KMO: variants seen among roughly 807,000 people sequenced by gnomAD.
The protein encoded by KMO is kynurenine 3-hydroxylase.
A neutral mutation model predicts 57.8 loss-of-function variants in KMO; 24 were observed. The ratio of observed to expected loss-of-function variants is 0.42; its 90% CI spans 0.30 to 0.58. The LOEUF (loss-of-function observed/expected upper bound fraction) is 0.58. KMO is among the 20% of genes least tolerant of loss of function. KMO has a pLI of 0.22. For synonymous variants in KMO, 210 were observed against 193.6 expected, an observed-to-expected ratio of 1.08 and a Z score of -0.70; for missense variants, 483 against 588.2, an observed-to-expected ratio of 0.82 and a Z score of 1.85.
intron 10 of KMO, among the ~76,000 whole-genome samples, chr1:241,580,148 A>C (rs532621637): frequency 6.6e-6 from 1 of 152,252 alleles, no homozygotes; most frequent in South Asian, 2.1e-4. Context: ...CTTATAGTAT[A>C]GGTTGCAGCA....
At chr1:241,582,998 G>A (rs1662815080) in intron 10 of KMO, among the ~76,000 whole-genome samples, 1 of 152,150 alleles carries the variant, frequency 6.6e-6, no homozygotes, top group South Asian at 2.1e-4. Flanking sequence ...AGTACTAGGA[G>A]GTGCCCTAAG....
At position 241,565,035 on chromosome 1, in the gene KMO, A is replaced by G. The variant is rs1363952159; in HGVS notation, c.664A>G (p.Met222Val). 6.2e-7 allele frequency: 1 copy of G among 1,603,932 alleles called. No individual in the cohort carries two copies. The highest frequency in any genetic ancestry group is 8.5e-7 in the Non-Finnish European group (1 of 1,171,062). The change falls in exon 8 of 15, where the codon ATG (methionine) becomes GTG (valine). Residue 222 changes from methionine to valine, a missense_variant. Physicochemically the swap from Met to Val is conservative, Grantham distance 21. Transcript: ENST00000366559. ...GCATATTTGGCCTAGAAATACCTTT[A>G]TGATGATTGCACTTCCTAACATGGT... ...YLHIWPRNTFMMIALPNMNKS... is the reference protein window; with the variant it reads ...YLHIWPRNTFVMIALPNMNKS...
intron 10 of KMO, among the ~76,000 whole-genome samples, 174 bp downstream of exon 10, chr1:241,568,821 T>C (rs1208551049): frequency 1.3e-5 from 2 of 152,102 alleles, no homozygotes; most frequent in African/African-American, 4.8e-5. Flanking sequence ...CAGAATTTGG[T>C]TTAATCAATC....
intron 12 of KMO, among the ~76,000 whole-genome samples, chr1:241,589,379 T>G (rs180849397): frequency 3.9e-5 from 6 of 152,320 alleles, no homozygotes; most frequent in South Asian, 2.1e-4. Flanking sequence ...TGATTGTGAT[T>G]ATAGTTTTAA....
chr1:241,549,611 A>G, intron 2 of KMO, 66 bp from the exon 3 acceptor site: 3 of 920,740 alleles, frequency 3.3e-6, no homozygotes, highest in Non-Finnish European at 5.2e-6. Flanking sequence ...CAGATGCAGT[A>G]ATTTTGCTCA....
chr1:241,578,420 C>T (rs1662613523), intron 10 of KMO, among the ~76,000 whole-genome samples: 1 of 152,126 alleles, frequency 6.6e-6, no homozygotes, highest in Non-Finnish European at 1.5e-5. Context: ...ACTCCTCTTT[C>T]CCCTGGGAAT....
In KMO at chr1:241,555,401, TAA is replaced by T. The variant is rs1387765588; in HGVS notation, c.313-210_313-209del. The stretch of plus-strand genomic sequence containing the variant: ...TAAAGTATTAAACTTTGAAAAAGCC[TAA>T]GTGTAAACTTGGATATTGTATTATA... On this transcript the variant is annotated intron_variant, in intron 4 of 14. Transcript: ENST00000366559. Among the ~76,000 whole-genome samples the T allele has an allele frequency of 3.9e-5, 6 of 152,368 alleles. No homozygotes were observed. The South Asian group carries it at 1.2e-3, about 32-fold the overall frequency.
chr1:241,593,235 A>G lies in KMO; in HGVS notation c.*1082A>G. 1 of 284,034 alleles carries G rather than the reference A, an allele frequency of 3.5e-6. No homozygotes were observed. The highest frequency in any genetic ancestry group is 7.9e-5 in the East Asian group (1 of 12,692). 17.6% of individuals were successfully genotyped at this position (284,034 alleles called of 1,614,324 possible). On this transcript the variant is annotated 3_prime_UTR_variant, in exon 15 of 15. Coordinates refer to ENST00000366559, the MANE Select transcript of KMO (RefSeq NM_003679.5). ...AAATACAAAGCCATTACTTTATTCA[A>G]TTTCAGACCCTCAGAAGCAATTTAC...
At chr1:241,581,580 A>T (rs1442826160) in intron 10 of KMO, among the ~76,000 whole-genome samples, 1 of 151,960 alleles carries the variant, frequency 6.6e-6, no homozygotes, top group Non-Finnish European at 1.5e-5. Flanking sequence ...CTTAACCCGG[A>T]TTACAAAGAA....
At chr1:241,588,948 A>G in intron 12 of KMO, 118 bp downstream of exon 12, 1 of 682,916 alleles carries the variant, frequency 1.5e-6, no homozygotes, top group Non-Finnish European at 2.5e-6. Flanking sequence ...GAATACCTAC[A>G]GATAAGAAAA....
intron 7 of KMO, among the ~76,000 whole-genome samples, chr1:241,563,434 T>C (rs1405272888): frequency 2.0e-5 from 3 of 152,188 alleles, no homozygotes; most frequent in Admixed American, 2.0e-4. Flanking sequence ...TATGGGATAG[T>C]GTTGTTAAAT....
chr1:241,586,499 C>T (rs753431715), intron 10 of KMO, 180 bp from the exon 11 acceptor site: 17 of 583,966 alleles, frequency 2.9e-5, no homozygotes, highest in Non-Finnish European at 5.2e-5. Context: ...CACGTCCAGG[C>T]CCGATGGTCA....
At chr1:241,590,379 G>C in intron 14 of KMO, 116 bp downstream of exon 14, 2 of 846,676 alleles carry the variant, frequency 2.4e-6, no homozygotes, top group East Asian at 5.1e-5. Context: ...CCAACTGTTT[G>C]CCTTCCAAAC....
chr1:241,545,162 T>C (rs1661097697), intron 1 of KMO, among the ~76,000 whole-genome samples: 2 of 152,180 alleles, frequency 1.3e-5, no homozygotes, highest in Non-Finnish European at 2.9e-5. Context: ...CAAATATATA[T>C]GAAGCACTTA....
chr1:241,566,599 C>T lies in KMO; in HGVS notation c.796C>T (p.Pro266Ser), dbSNP rs754540675. Residue 266 changes from proline to serine, a missense_variant, in exon 9 of 15, where the codon CCT becomes TCT. Pro to Ser is a moderately conservative substitution (Grantham distance 74). Transcript: ENST00000366559. ...FFQKYFPDAI[P>S]LIGEKLLVQD... ...CCAGAAATACTTTCCGGATGCCATC[C>T]CTCTAATTGGAGAGTAAGTTGCAAG... The T allele has an allele frequency of 5.0e-6, 8 of 1,613,528 alleles. No homozygotes were observed. The African/African-American group carries it at 1.1e-4, about 22-fold the overall frequency.
intron 10 of KMO, among the ~76,000 whole-genome samples, chr1:241,571,339 G>A (rs761919610): frequency 1.3e-5 from 2 of 152,058 alleles, no homozygotes; most frequent in Non-Finnish European, 2.9e-5. Flanking sequence ...GGTGAAAATG[G>A]TTGTTCTTGT....
At chr1:241,537,052 G>A (rs1289593475) in intron 1 of KMO, among the ~76,000 whole-genome samples, 4 of 152,092 alleles carry the variant, frequency 2.6e-5, no homozygotes, top group Non-Finnish European at 5.9e-5. Flanking sequence ...TCTTCACTCA[G>A]CTTCATGGGA....
At chr1:241,556,354 T>A (rs1216996541) in intron 5 of KMO, among the ~76,000 whole-genome samples, 1 of 152,148 alleles carries the variant, frequency 6.6e-6, no homozygotes, top group African/African-American at 2.4e-5. Context: ...CAGGTTGGTC[T>A]TGAACTCCTG....
chr1:241,575,219 C>A (rs1353278656), intron 10 of KMO, among the ~76,000 whole-genome samples: 2 of 151,968 alleles, frequency 1.3e-5, no homozygotes, highest in Non-Finnish European at 2.9e-5. Flanking sequence ...AAAGAATCAA[C>A]TTTTTGTCTT....
Sources: allele counts gnomAD v4.1 joint callset (sites outside exome capture counted in the v4.1 genomes callset), GRCh38; gene constraint gnomAD v4.1.1; transcripts MANE v1.5; gene names NCBI Gene and HGNC (gene_info 2026-07-23, HGNC 2026-07-21).